Variants in RFX3 observed in about 807,000 individuals in gnomAD.
The protein encoded by RFX3 is regulatory factor X3, also known as transcription factor RFX3.
RFX3 carries 14 observed loss-of-function variants against 98.6 expected under a neutral mutation model. The observed-to-expected ratio is 0.14, with a 90% CI of 0.09 to 0.22. The LOEUF is 0.22. Ranked by LOEUF, RFX3 falls within the 10% of genes least tolerant of loss-of-function variation. RFX3 has a pLI of 1.00. For missense variants in RFX3, 639 were observed against 926.9 expected, an observed-to-expected ratio of 0.69 and a Z score of 4.03; for synonymous variants, 383 against 328.4, an observed-to-expected ratio of 1.17 and a Z score of -1.80.
intron 1 of RFX3, among the ~76,000 whole-genome samples, chr9:3,475,179 A>G (rs1453733530): frequency 1.3e-5 from 2 of 152,064 alleles, no homozygotes; most frequent in East Asian, 3.9e-4. Flanking sequence ...TTATAAATGG[A>G]TGCTTATAAG....
At chr9:3,411,973 C>T (rs770847488) in intron 1 of RFX3, among the ~76,000 whole-genome samples, 6 of 152,122 alleles carry the variant, frequency 3.9e-5, no homozygotes, top group East Asian at 1.9e-4. Flanking sequence ...GACAACTACT[C>T]GTAACATTAT....
At chr9:3,522,820 T>C (rs1431365255) in intron 1 of RFX3, among the ~76,000 whole-genome samples, 3 of 152,208 alleles carry the variant, frequency 2.0e-5, no homozygotes, top group Non-Finnish European at 4.4e-5. Flanking sequence ...TTAAGATTCA[T>C]TCATTTTTTA....
At chr9:3,427,889 C>T (rs966255837) in intron 1 of RFX3, among the ~76,000 whole-genome samples, 3 of 152,046 alleles carry the variant, frequency 2.0e-5, no homozygotes, top group Non-Finnish European at 2.9e-5. Flanking sequence ...CCTTCTGGTG[C>T]CCCGCTCCAG....
At chr9:3,274,257 T>TCTATTAATGC (rs1824909988) in intron 9 of RFX3, among the ~76,000 whole-genome samples, 1 of 152,176 alleles carries the variant, frequency 6.6e-6, no homozygotes, top group African/African-American at 2.4e-5. Flanking sequence ...GGGGAAAATG[T>TCTATTAATGC]CTATTAATGC....
At chr9:3,312,084 C>G (rs1265526296) in intron 4 of RFX3, among the ~76,000 whole-genome samples, 1 of 152,092 alleles carries the variant, frequency 6.6e-6, no homozygotes, top group African/African-American at 2.4e-5. Context: ...TTTCTAAAAA[C>G]CTAACTGAAT....
chr9:3,359,690 G>T (rs911576167), intron 2 of RFX3, among the ~76,000 whole-genome samples: 11 of 152,008 alleles, frequency 7.2e-5, no homozygotes, highest in Non-Finnish European at 1.6e-4. Flanking sequence ...AATGCCCAGA[G>T]AATATTATAA....
chr9:3,309,943 A>C (rs903391010), intron 4 of RFX3, among the ~76,000 whole-genome samples: 1 of 152,190 alleles, frequency 6.6e-6, no homozygotes, highest in Admixed American at 6.5e-5. Flanking sequence ...CTGAAGGTGG[A>C]GGATCACTGG....
chr9:3,515,447 G>C (rs1300269070), intron 1 of RFX3, among the ~76,000 whole-genome samples: 1 of 152,150 alleles, frequency 6.6e-6, no homozygotes, highest in African/African-American at 2.4e-5. Context: ...TGGATCACCT[G>C]AGTCTTCTGT....
intron 1 of RFX3, among the ~76,000 whole-genome samples, chr9:3,415,146 T>C (rs1200464374): frequency 7.4e-6 from 1 of 135,732 alleles, no homozygotes; most frequent in East Asian, 2.0e-4. Context: ...ATCTATATAC[T>C]ATATATATTC....
chr9:3,368,731 A>T (rs1837488632), intron 2 of RFX3, among the ~76,000 whole-genome samples: 1 of 152,214 alleles, frequency 6.6e-6, no homozygotes, highest in Non-Finnish European at 1.5e-5. Flanking sequence ...CCTAAAATCT[A>T]TCACCCACCT....
chr9:3,427,659 G>C (rs1334621655), intron 1 of RFX3, among the ~76,000 whole-genome samples: 1 of 151,664 alleles, frequency 6.6e-6, no homozygotes, highest in Non-Finnish European at 1.5e-5. Context: ...AAATCCCAAG[G>C]TGTTTCTCAA....
chr9:3,412,877 T>G (rs541382451), intron 1 of RFX3, among the ~76,000 whole-genome samples: 3 of 152,168 alleles, frequency 2.0e-5, no homozygotes, highest in Non-Finnish European at 4.4e-5. Context: ...CTACCACCAA[T>G]GTTGAAAACC....
intron 3 of RFX3, among the ~76,000 whole-genome samples, chr9:3,338,070 T>C (rs537222116): frequency 6.6e-6 from 1 of 152,322 alleles, no homozygotes; most frequent in South Asian, 2.1e-4. Context: ...ACCAGAAAGA[T>C]GACATGTCTA....
chr9:3,405,252 G>A (rs757127212), intron 1 of RFX3, among the ~76,000 whole-genome samples: 4 of 152,070 alleles, frequency 2.6e-5, no homozygotes, highest in African/African-American at 9.7e-5. Flanking sequence ...GAGCTGGGGT[G>A]TTTTTCTGCT....
chr9:3,251,833 C>G (rs180883366), intron 14 of RFX3, among the ~76,000 whole-genome samples: 1 of 151,636 alleles, frequency 6.6e-6, no homozygotes, highest in East Asian at 1.9e-4. Context: ...AATTTTAGGC[C>G]TTTCTATTTC....
rs913060018 is a variant in RFX3, at chr9:3,488,922, G to T, written c.-9+36825C>A. ...TAAAACAAAGACCATATATCAAATT[G>T]AAATAAGGAGTACCTTGTTCCCTGT... On this transcript the variant is annotated intron_variant, in intron 1 of 16. Coordinates refer to ENST00000617270, the MANE Select transcript of RFX3 (RefSeq NM_001282116.2). 4 of 982,086 alleles carry T rather than the reference G, an allele frequency of 4.1e-6. No homozygotes were observed. In the African/African-American group the frequency reaches 7.0e-5, roughly 17 times the overall value. 60.8% of individuals were successfully genotyped at this position (982,086 alleles called of 1,614,324 possible).
intron 5 of RFX3, among the ~76,000 whole-genome samples, chr9:3,297,455 TA>T (rs1473044174): frequency 1.3e-5 from 2 of 152,044 alleles, no homozygotes; most frequent in Non-Finnish European, 2.9e-5. Context: ...CAAGATAGAC[TA>T]AAGATGAATG....
chr9:3,390,705 G>T (rs1197555689), intron 2 of RFX3, among the ~76,000 whole-genome samples: 1 of 152,102 alleles, frequency 6.6e-6, no homozygotes, highest in Non-Finnish European at 1.5e-5. Context: ...GAGTTTCCCT[G>T]CACAAGCTCT....
chr9:3,424,500 T>C (rs548492069), intron 1 of RFX3, among the ~76,000 whole-genome samples: 229 of 151,520 alleles, frequency 1.5e-3, no homozygotes, highest in African/African-American at 3.0e-3. Flanking sequence ...TAGCTGGGAC[T>C]ACAGGCGCCC....
Sources: allele counts gnomAD v4.1 joint callset (sites outside exome capture counted in the v4.1 genomes callset), GRCh38; gene constraint gnomAD v4.1.1; transcripts MANE v1.5; gene names NCBI Gene and HGNC (gene_info 2026-07-23, HGNC 2026-07-21).